ERMP1: variants seen among roughly 807,000 people sequenced by gnomAD.
ERMP1 encodes Felix-ina.
ERMP1 carries 86 observed loss-of-function variants against 92.0 expected under a neutral mutation model. The observed-to-expected ratio is 0.93, with a 90% CI of 0.79 to 1.12. The LOEUF (loss-of-function observed/expected upper bound fraction) is 1.12. Among genes scored for constraint, ERMP1 ranks in the 50% most tolerant of loss-of-function variants. The pLI, the probability that ERMP1 is intolerant of heterozygous loss-of-function variation, is 0.00. For synonymous variants in ERMP1, 530 were observed against 412.8 expected (o/e 1.28, Z -3.44); for missense variants, 1,342 against 1,116.3 (o/e 1.20, Z -2.88).
chr9:5,798,992 A>G lies in ERMP1; in HGVS notation c.2084T>C (p.Phe695Ser). 1.2e-6 allele frequency: 2 copies of G among 1,613,640 alleles called. No homozygotes were observed. Among genetic ancestry groups the G allele is most frequent in the Admixed American group, 1.7e-5 (1 of 60,016 alleles). ...RVFLQHMTRTFHDLEGNAVKR... is the reference protein window; with the variant it reads ...RVFLQHMTRTSHDLEGNAVKR... ...AACTGCATTTCCTTCCAAGTCATGGAATGTTCTAGTCATATGCTGAAAAAA... is the reference window on the plus strand; with the variant it reads ...AACTGCATTTCCTTCCAAGTCATGGGATGTTCTAGTCATATGCTGAAAAAA... Residue 695 changes from phenylalanine to serine, a missense_variant, in exon 12 of 15, where the codon TTC becomes TCC. Coordinates refer to ENST00000339450, the MANE Select transcript of ERMP1 (RefSeq NM_024896.3).
chr9:5,821,669 T>C (rs1195321553), intron 4 of ERMP1, among the ~76,000 whole-genome samples: 1 of 152,008 alleles, frequency 6.6e-6, no homozygotes, highest in Non-Finnish European at 1.5e-5. Context: ...TAGAAAAAAA[T>C]CTAGAAAGGG....
upstream of ERMP1, among the ~76,000 whole-genome samples, chr9:5,835,020 TGTGTGA>T (rs1272722320): frequency 7.1e-6 from 1 of 141,270 alleles, no homozygotes; most frequent in East Asian, 2.2e-4. Context: ...TGTGTGTGTG[TGTGTGA>T]AAGATCCTCA....
At chr9:5,854,226 C>T (rs1283988780) in intron 6 of ERMP1, among the ~76,000 whole-genome samples, 1 of 151,968 alleles carries the variant, frequency 6.6e-6, no homozygotes, top group Non-Finnish European at 1.5e-5. Flanking sequence ...AGAAAGAGAA[C>T]AGCTGAGATT....
chr9:5,814,054 T>C (rs1829211358), intron 4 of ERMP1, among the ~76,000 whole-genome samples: 1 of 152,120 alleles, frequency 6.6e-6, no homozygotes, highest in African/African-American at 2.4e-5. Flanking sequence ...CTACATGACT[T>C]GCTCTAGCCA....
intron 4 of ERMP1, among the ~76,000 whole-genome samples, chr9:5,816,837 G>C (rs942487951): frequency 4.0e-5 from 6 of 151,748 alleles, no homozygotes; most frequent in Admixed American, 3.9e-4. Context: ...TCCACGTGTA[G>C]AATGTGCTAT....
chr9:5,816,064 G>C (rs1371308215), intron 4 of ERMP1, among the ~76,000 whole-genome samples: 1 of 152,110 alleles, frequency 6.6e-6, no homozygotes, highest in Non-Finnish European at 1.5e-5. Flanking sequence ...AGATGGGAGG[G>C]AGTTGTATTT....
intron 2 of ERMP1, among the ~76,000 whole-genome samples, chr9:5,826,403 G>C (rs1049265914): frequency 6.6e-6 from 1 of 152,194 alleles, no homozygotes; most frequent in Non-Finnish European, 1.5e-5. Flanking sequence ...CTGGTTGAAA[G>C]AGCAAGCTAA....
chr9:5,834,687 CTA>C (rs1830061403), upstream of ERMP1, among the ~76,000 whole-genome samples: 1 of 132,852 alleles, frequency 7.5e-6, no homozygotes, highest in African/African-American at 2.8e-5. Context: ...ATGGTCATAA[CTA>C]TATGTATGTA....
chr9:5,836,114 A>G (rs746697439), upstream of ERMP1, among the ~76,000 whole-genome samples: 10 of 152,242 alleles, frequency 6.6e-5, no homozygotes, highest in Non-Finnish European at 1.0e-4. Context: ...GAGATGTCCC[A>G]TGTCCCTTCT....
chr9:5,827,767 A>G (rs1439631817), intron 2 of ERMP1, among the ~76,000 whole-genome samples: 2 of 152,082 alleles, frequency 1.3e-5, no homozygotes, highest in East Asian at 1.9e-4. Context: ...CAGTGAGCAG[A>G]GATAGCGCCA....
intron 6 of ERMP1, among the ~76,000 whole-genome samples, chr9:5,846,072 G>A (rs969879642): frequency 1.8e-4 from 27 of 152,142 alleles, no homozygotes; most frequent in African/African-American, 6.3e-4. Flanking sequence ...GGTGGATTCT[G>A]CACCCCTAAC....
chr9:5,817,161 G>C (rs1371542573), intron 4 of ERMP1, among the ~76,000 whole-genome samples: 1 of 151,928 alleles, frequency 6.6e-6, no homozygotes, highest in Non-Finnish European at 1.5e-5. Context: ...GCCTCCCAAA[G>C]TGCTGGGATT....
chr9:5,845,048 G>C (rs1383151502), intron 6 of ERMP1, among the ~76,000 whole-genome samples: 1 of 152,030 alleles, frequency 6.6e-6, no homozygotes, highest in Admixed American at 6.6e-5. Flanking sequence ...CTTCCTTGGG[G>C]CAGTATAGGG....
rs192970978 is a variant in ERMP1 at position 5,855,137 on chromosome 9, C to T, written n.3199+4331G>A. Among the ~76,000 whole-genome samples the T allele has an allele frequency of 1.4e-3, 211 of 152,206 alleles. 1 individual carries two copies. Among genetic ancestry groups the T allele is most frequent in the African/African-American group, 5.0e-3 (206 of 41,526 alleles). On this transcript the variant is annotated intron_variant and non_coding_transcript_variant, in intron 6 of 6. Transcript: ENST00000690753. ...AGTAATTATCTGTATTATTTAATAA[C>T]TTAAATGTAATAGCCTAAGAAAAAA...
rs761487490 is a variant in ERMP1 at position 5,799,011 on chromosome 9, G to GA, written c.2068-4dup. The GA allele has an allele frequency of 5.5e-4, 854 of 1,565,466 alleles. No individual in the cohort carries two copies. The highest frequency in any genetic ancestry group is 6.3e-4 in the Non-Finnish European group (719 of 1,149,572). On this transcript the variant is annotated splice_region_variant and splice_polypyrimidine_tract_variant and intron_variant, in intron 11 of 14. Coordinates refer to ENST00000339450, the MANE Select transcript of ERMP1 (RefSeq NM_024896.3). The stretch of plus-strand genomic sequence containing the variant: ...TCATGGAATGTTCTAGTCATATGCT[G>GA]AAAAAAAAAGACTAGTGAAAAAACT...
At chr9:5,838,487 C>T (rs932596898) in intron 6 of ERMP1, among the ~76,000 whole-genome samples, 2 of 151,052 alleles carry the variant, frequency 1.3e-5, no homozygotes, top group South Asian at 2.1e-4. Flanking sequence ...GCTGCCATAG[C>T]GCCACTGCAC....
chr9:5,828,553 G>A (rs913823968), intron 2 of ERMP1, among the ~76,000 whole-genome samples: 5 of 152,006 alleles, frequency 3.3e-5, no homozygotes, highest in African/African-American at 7.2e-5. Flanking sequence ...GCCACCCCTC[G>A]AGACTCAAGG....
intron 8 of ERMP1, among the ~76,000 whole-genome samples, chr9:5,807,516 T>A (rs943116974): frequency 1.3e-5 from 2 of 151,880 alleles, no homozygotes; most frequent in Non-Finnish European, 2.9e-5. Flanking sequence ...GAGGCCGAGG[T>A]GGGAGGATCA....
At chr9:5,820,285 C>T (rs576018959) in intron 4 of ERMP1, among the ~76,000 whole-genome samples, 6 of 152,164 alleles carry the variant, frequency 3.9e-5, no homozygotes, top group African/African-American at 9.6e-5. Flanking sequence ...AGCGACAGAG[C>T]GAGACTCCAC....
Sources: allele counts gnomAD v4.1 joint callset (sites outside exome capture counted in the v4.1 genomes callset), GRCh38; gene constraint gnomAD v4.1.1; transcripts MANE v1.5; gene names NCBI Gene and HGNC (gene_info 2026-07-23, HGNC 2026-07-21).